ZBTB20: variants seen among roughly 807,000 people sequenced by gnomAD.
ZBTB20 encodes zinc finger and BTB domain containing 20.
In ZBTB20, 9 loss-of-function variants were observed where a neutral mutation model predicts 56.9. That is an observed-to-expected ratio of 0.16 (90% CI 0.10 to 0.28). ZBTB20 has a LOEUF of 0.28. Among genes scored for constraint, ZBTB20 ranks in the 10% least tolerant of loss-of-function variants. ZBTB20 has a pLI of 1.00. For missense variants in ZBTB20, 655 were observed against 1,003.0 expected (o/e 0.65, Z 4.69); for synonymous variants, 417 against 420.7 (o/e 0.99, Z 0.11).
intron 4 of ZBTB20, among the ~76,000 whole-genome samples, chr3:114,847,084 G>C (rs1008585594): frequency 2.6e-5 from 4 of 152,152 alleles, no homozygotes; most frequent in Non-Finnish European, 5.9e-5. Context: ...TTTCACTCAA[G>C]CAAATGGTTT....
chr3:115,111,005 A>AAAATAAATAAATAAAT (rs148918475), intron 1 of ZBTB20, among the ~76,000 whole-genome samples: 6 of 144,748 alleles, frequency 4.1e-5, no homozygotes, highest in Non-Finnish European at 6.1e-5. Context: ...AATAAAAATA[A>AAAATAAATAAATAAAT]AAATAAATAA....
At chr3:115,062,395 C>A (rs1252725433) in intron 2 of ZBTB20, among the ~76,000 whole-genome samples, 1 of 152,184 alleles carries the variant, frequency 6.6e-6, no homozygotes, top group African/African-American at 2.4e-5. Context: ...TTCTCTCCTT[C>A]TTTTCCTCCC....
intron 7 of ZBTB20, among the ~76,000 whole-genome samples, chr3:114,466,388 C>T (rs1031651693): frequency 2.6e-5 from 4 of 152,312 alleles, no homozygotes; most frequent in Non-Finnish European, 2.9e-5. Flanking sequence ...GTCCAAGTTC[C>T]TATCTGTGAT....
chr3:114,840,008 C>T (rs2074314279), intron 4 of ZBTB20, among the ~76,000 whole-genome samples: 1 of 152,032 alleles, frequency 6.6e-6, no homozygotes, highest in African/African-American at 2.4e-5. Flanking sequence ...TAATGGCAAC[C>T]CTAGTAAATT....
chr3:114,989,219 A>G (rs1329197550), intron 2 of ZBTB20, among the ~76,000 whole-genome samples: 1 of 151,852 alleles, frequency 6.6e-6, no homozygotes, highest in Non-Finnish European at 1.5e-5. Flanking sequence ...TTCTTCTAGG[A>G]TTTTTATGGT....
At chr3:115,126,820 T>C (rs939763065) in intron 1 of ZBTB20, among the ~76,000 whole-genome samples, 4 of 152,224 alleles carry the variant, frequency 2.6e-5, no homozygotes, top group Non-Finnish European at 4.4e-5. Flanking sequence ...TTTGATGTTC[T>C]AATACTTTGG....
intron 10 of ZBTB20, among the ~76,000 whole-genome samples, chr3:114,355,005 T>C (rs866725140): frequency 2.6e-5 from 4 of 152,192 alleles, no homozygotes; most frequent in Non-Finnish European, 5.9e-5. Context: ...AAACTATGCC[T>C]CTTAAAGCTT....
chr3:114,663,762 T>G (rs1181496079), intron 6 of ZBTB20, among the ~76,000 whole-genome samples: 10 of 151,546 alleles, frequency 6.6e-5, no homozygotes. Context: ...AAACAGACTT[T>G]AAACCAACAA....
intron 10 of ZBTB20, among the ~76,000 whole-genome samples, chr3:114,372,387 G>T (rs2083123894): frequency 6.6e-6 from 1 of 152,142 alleles, no homozygotes; most frequent in Non-Finnish European, 1.5e-5. Context: ...TGAGCCAATG[G>T]GCATTGAGAC....
intron 6 of ZBTB20, among the ~76,000 whole-genome samples, chr3:114,528,346 A>G (rs1217638895): frequency 6.6e-6 from 1 of 152,144 alleles, no homozygotes. Flanking sequence ...AATGGTAAAC[A>G]TGTTGATTTC....
chr3:114,603,532 T>C (rs545285981), intron 6 of ZBTB20, among the ~76,000 whole-genome samples: 9 of 152,098 alleles, frequency 5.9e-5, no homozygotes, highest in African/African-American at 2.2e-4. Flanking sequence ...ACTCATTATC[T>C]AGAAGCTACA....
intron 3 of ZBTB20, among the ~76,000 whole-genome samples, chr3:114,949,198 T>C (rs1044852159): frequency 6.8e-6 from 1 of 146,186 alleles, no homozygotes; most frequent in East Asian, 1.9e-4. Flanking sequence ...TGGCACTTGA[T>C]CAATTTTTTA....
intron 7 of ZBTB20, among the ~76,000 whole-genome samples, chr3:114,430,982 T>C (rs2090076286): frequency 6.6e-6 from 1 of 152,202 alleles, no homozygotes. Context: ...GGAAAGGTTG[T>C]TTAAATGAAA....
intron 1 of ZBTB20, among the ~76,000 whole-genome samples, chr3:115,118,449 A>C (rs1475285077): frequency 6.6e-6 from 1 of 152,114 alleles, no homozygotes; most frequent in African/African-American, 2.4e-5. Context: ...TTCTTCACAT[A>C]AACTGTTGAA....
At chr3:114,596,475 A>G (rs2056325568) in intron 6 of ZBTB20, among the ~76,000 whole-genome samples, 1 of 152,196 alleles carries the variant, frequency 6.6e-6, no homozygotes, top group Non-Finnish European at 1.5e-5. Context: ...AGATGCCTAT[A>G]TATTGTCTAC....
At chr3:114,910,538 C>T (rs1392309175) in intron 3 of ZBTB20, among the ~76,000 whole-genome samples, 1 of 151,816 alleles carries the variant, frequency 6.6e-6, no homozygotes, top group Non-Finnish European at 1.5e-5. Context: ...GAGGTACAAG[C>T]TAGCCAAAAG....
intron 7 of ZBTB20, among the ~76,000 whole-genome samples, chr3:114,455,679 T>C (rs563781731): frequency 1.3e-5 from 2 of 152,074 alleles, no homozygotes; most frequent in Non-Finnish European, 2.9e-5. Context: ...AGTGGGCAGA[T>C]AGGCAGACAG....
At chr3:114,634,823 C>T (rs2059165649) in intron 6 of ZBTB20, among the ~76,000 whole-genome samples, 1 of 152,168 alleles carries the variant, frequency 6.6e-6, no homozygotes, top group South Asian at 2.1e-4. Context: ...GCTTCCTGGC[C>T]TCTGGCCTCT....
chr3:114,613,469 C>T (rs2057704695), intron 6 of ZBTB20, among the ~76,000 whole-genome samples: 1 of 152,018 alleles, frequency 6.6e-6, no homozygotes, highest in Non-Finnish European at 1.5e-5. Context: ...TAGACTAGAC[C>T]ATGCTTAACA....
Sources: allele counts gnomAD v4.1 joint callset (sites outside exome capture counted in the v4.1 genomes callset), GRCh38; gene constraint gnomAD v4.1.1; transcripts MANE v1.5; gene names NCBI Gene and HGNC (gene_info 2026-07-23, HGNC 2026-07-21).